The following AGMO variants were observed in gnomAD, a reference collection of about 807,000 sequenced individuals.
AGMO encodes alkylglycerol monooxygenase, also known as glyceryl-ether monooxygenase.
In AGMO, 75 loss-of-function variants were observed where a neutral mutation model predicts 60.2. The ratio of observed to expected loss-of-function variants is 1.25; its 90% confidence interval spans 1.03 to 1.51. The LOEUF is 1.51. AGMO is among the 40% of genes most tolerant of loss of function. The pLI, the probability that AGMO is intolerant of heterozygous loss-of-function variation, is 0.00. For synonymous variants in AGMO, 261 were observed against 177.1 expected (o/e 1.47, Z -3.76); for missense variants, 763 against 525.5 (o/e 1.45, Z -4.42).
At chr7:15,174,141 G>A in the AGMO span, among the ~76,000 whole-genome samples, 1 of 151,760 alleles carries the variant, frequency 6.6e-6, no homozygotes. Flanking sequence ...GTACTTCTAT[G>A]TATTTCTTGA....
intron 5 of AGMO, among the ~76,000 whole-genome samples, chr7:15,414,189 T>C (rs10479950): frequency 0.52 from 79,232 of 151,350 alleles, 21,028 homozygotes; most frequent in Middle Eastern, 0.65. Flanking sequence ...TTTGTAGAGA[T>C]GGGGTTTCAT....
At chr7:15,353,017 G>A (rs1300368139) in intron 12 of AGMO, among the ~76,000 whole-genome samples, 2 of 152,004 alleles carry the variant, frequency 1.3e-5, no homozygotes, top group African/African-American at 2.4e-5. Flanking sequence ...ACTGCGCACG[G>A]CACACTCAGA....
At chr7:15,186,552 G>A in the AGMO span, among the ~76,000 whole-genome samples, 4 of 152,104 alleles carry the variant, frequency 2.6e-5, no homozygotes, top group Non-Finnish European at 4.4e-5. Flanking sequence ...ACCCAACTTA[G>A]GCTCTATAGA....
At chr7:15,129,784 G>A in the AGMO span, among the ~76,000 whole-genome samples, 3 of 152,120 alleles carry the variant, frequency 2.0e-5, no homozygotes, top group Non-Finnish European at 2.9e-5. Context: ...CAAGAGTTCT[G>A]TTCTGGTATG....
At position 15,483,125 on chromosome 7, in the gene AGMO, T is replaced by C. The variant is rs182450122; in HGVS notation, c.410-52017A>G. 3.0e-3 allele frequency among the ~76,000 whole-genome samples: 462 copies of C among 152,296 alleles called. 2 individuals are homozygous for C. Among genetic ancestry groups the C allele is most frequent in the African/African-American group, 0.011 (441 of 41,566 alleles). ...ACTGTTACTGTAGCAGACATTAGAA[T>C]TATGTATTTAATAAATCCAAAACAA... On this transcript the variant is annotated intron_variant, in intron 3 of 12. Transcript: ENST00000342526.
intron 12 of AGMO, among the ~76,000 whole-genome samples, chr7:15,245,454 T>C (rs1001306913): frequency 2.0e-5 from 3 of 152,162 alleles, no homozygotes; most frequent in Non-Finnish European, 4.4e-5. Context: ...CCTAATTAGC[T>C]CAACAGGGAA....
At chr7:15,117,653 T>G in the AGMO span, among the ~76,000 whole-genome samples, 2 of 151,982 alleles carry the variant, frequency 1.3e-5, no homozygotes, top group African/African-American at 4.8e-5. Context: ...AACAAGTACA[T>G]GTACTCCTTG....
At chr7:15,252,476 G>T (rs779253013) in intron 12 of AGMO, among the ~76,000 whole-genome samples, 4 of 152,166 alleles carry the variant, frequency 2.6e-5, no homozygotes, top group Non-Finnish European at 5.9e-5. Context: ...TGGCTTTGAG[G>T]AAAGTGGCTA....
intron 10 of AGMO, among the ~76,000 whole-genome samples, chr7:15,376,388 G>T (rs1783452430): frequency 7.4e-6 from 1 of 134,528 alleles, no homozygotes; most frequent in East Asian, 2.1e-4. Context: ...TTTTTTACAG[G>T]TTTTTTTCAG....
chr7:15,542,178 T>C (rs17168813), intron 3 of AGMO, among the ~76,000 whole-genome samples: 5,061 of 152,232 alleles, frequency 0.033, 256 homozygotes, highest in African/African-American at 0.11. Flanking sequence ...AAGCATTATG[T>C]TGAAGGTTGA....
rs575476933 is a variant in AGMO at position 15,553,330 on chromosome 7, T to G, written c.257+6811A>C. ...AAAACTTAAAGTATAATAAAAAAAA[T>G]AAATAAATAAATAAAATAAAATAAA... On this transcript the variant is annotated intron_variant, in intron 2 of 12. Coordinates refer to ENST00000342526, the MANE Select transcript of AGMO (RefSeq NM_001004320.2). Among the ~76,000 whole-genome samples the G allele has an allele frequency of 1.2e-3, 180 of 149,840 alleles. 3 individuals carry two copies. In the Middle Eastern group the frequency reaches 0.017, roughly 14 times the overall value.
chr7:15,331,883 A>G (rs1370122054), intron 12 of AGMO, among the ~76,000 whole-genome samples: 2 of 151,914 alleles, frequency 1.3e-5, no homozygotes, highest in African/African-American at 4.8e-5. Context: ...CCAAGATCAC[A>G]CCATCGCACT....
intron 5 of AGMO, among the ~76,000 whole-genome samples, chr7:15,402,698 A>T (rs1263748488): frequency 6.7e-6 from 1 of 149,360 alleles, no homozygotes; most frequent in East Asian, 1.9e-4. Flanking sequence ...AAATATTCAA[A>T]TGCTGAACAA....
chr7:15,118,195 C>G, the AGMO span, among the ~76,000 whole-genome samples: 1 of 151,534 alleles, frequency 6.6e-6, no homozygotes, highest in East Asian at 1.9e-4. Flanking sequence ...CACACACACA[C>G]ACACACACAC....
chr7:15,353,844 G>C (rs1232222226), intron 12 of AGMO, among the ~76,000 whole-genome samples: 1 of 152,120 alleles, frequency 6.6e-6, no homozygotes, highest in Admixed American at 6.5e-5. Flanking sequence ...GGACAGGTGA[G>C]TAAGAATATA....
In AGMO at chr7:15,387,504, C is replaced by G. The variant is rs139372733; in HGVS notation, c.859G>C (p.Ala287Pro). 54 of 1,613,264 alleles carry G rather than the reference C, an allele frequency of 3.3e-5. No individual in the cohort carries two copies. The African/African-American group carries it at 6.1e-4, about 18-fold the overall frequency. ...AACTTATTGAAGAATCCAGGTGTGG[C>G]CCAGAATGTAGTCCATATGGAAAAT... is the stretch of plus-strand genomic sequence containing the variant. Reference protein sequence around the residue: ...HLFSIWTTFWATPGFFNKFSV... With the variant: ...HLFSIWTTFWPTPGFFNKFSV... Residue 287 changes from alanine (A) to proline (P), a missense_variant, in exon 9 of 13, where the codon GCC (alanine) becomes CCC (proline). By Grantham distance (27) the Ala-to-Pro change is conservative. Transcript: ENST00000342526.
At chr7:15,119,842 A>G in the AGMO span, among the ~76,000 whole-genome samples, 1 of 152,010 alleles carries the variant, frequency 6.6e-6, no homozygotes, top group African/African-American at 2.4e-5. Flanking sequence ...GAACTTTTGG[A>G]TATTTCCATC....
chr7:15,542,368 C>T (rs17168816), intron 3 of AGMO, among the ~76,000 whole-genome samples: 1 of 152,134 alleles, frequency 6.6e-6, no homozygotes, highest in African/African-American at 2.4e-5. Flanking sequence ...GAGAAGCATA[C>T]TTTAAATAGC....
intron 3 of AGMO, among the ~76,000 whole-genome samples, chr7:15,477,623 G>A (rs1782631962): frequency 6.6e-6 from 1 of 152,068 alleles, no homozygotes; most frequent in Non-Finnish European, 1.5e-5. Flanking sequence ...CAATGTGCAG[G>A]CAGTTCACTG....
Sources: allele counts gnomAD v4.1 joint callset (sites outside exome capture counted in the v4.1 genomes callset), GRCh38; gene constraint gnomAD v4.1.1; transcripts MANE v1.5; gene names NCBI Gene and HGNC (gene_info 2026-07-23, HGNC 2026-07-21).